Variants in GRB14 observed in about 807,000 individuals in gnomAD.
The protein encoded by GRB14 is growth factor receptor bound protein 14, also known as growth factor receptor-bound protein 14.
A neutral mutation model predicts 69.1 loss-of-function variants in GRB14; 38 were observed. The ratio of observed to expected loss-of-function variants is 0.55; its 90% CI spans 0.42 to 0.72. GRB14 has a LOEUF of 0.72. Ranked by LOEUF, GRB14 falls within the 30% of genes least tolerant of loss-of-function variation. The probability of loss-of-function intolerance (pLI) is 0.00; values close to 1 mark genes in which losing one functional copy is unlikely to be tolerated. For synonymous variants in GRB14, 247 were observed against 241.3 expected (o/e 1.02, Z -0.22); for missense variants, 666 against 666.1 (o/e 1.00, Z 0.00).
At chr2:164,571,080 G>A (rs1689112626) in intron 2 of GRB14, among the ~76,000 whole-genome samples, 1 of 152,200 alleles carries the variant, frequency 6.6e-6, no homozygotes, top group Admixed American at 6.5e-5. Flanking sequence ...ACTTAAGACA[G>A]GTGGAATCTC....
chr2:164,619,559 G>A (rs1690393516), intron 2 of GRB14, 128 bp downstream of exon 2: 2 of 625,026 alleles, frequency 3.2e-6, no homozygotes, highest in Non-Finnish European at 2.7e-6. Flanking sequence ...GACCATGTCA[G>A]TCAACAGAGT....
intron 9 of GRB14, among the ~76,000 whole-genome samples, chr2:164,499,628 T>C (rs1686998447): frequency 6.6e-6 from 1 of 152,174 alleles, no homozygotes; most frequent in Non-Finnish European, 1.5e-5. Context: ...GGGTCCATGA[T>C]TTTAATGGCA....
chr2:164,562,070 T>A (rs767831065), intron 2 of GRB14, among the ~76,000 whole-genome samples: 1 of 152,228 alleles, frequency 6.6e-6, no homozygotes, highest in Non-Finnish European at 1.5e-5. Flanking sequence ...TTTATCCAAC[T>A]AATTGGTAAT....
At chr2:164,614,968 T>C (rs1172885970) in intron 2 of GRB14, among the ~76,000 whole-genome samples, 1 of 152,182 alleles carries the variant, frequency 6.6e-6, no homozygotes. Context: ...GGAAAACTAA[T>C]TTTTTAATTA....
chr2:164,507,032 G>A (rs1231360848), intron 8 of GRB14, among the ~76,000 whole-genome samples: 2 of 152,108 alleles, frequency 1.3e-5, no homozygotes, highest in Non-Finnish European at 2.9e-5. Flanking sequence ...GGAACTGAAT[G>A]CACTAAACGC....
At chr2:164,552,801 T>C (rs754615384) in intron 2 of GRB14, among the ~76,000 whole-genome samples, 24 of 152,156 alleles carry the variant, frequency 1.6e-4, no homozygotes, top group Non-Finnish European at 2.9e-4. Context: ...TGTGCATCTA[T>C]ACTAGAAAAC....
At chr2:164,513,081 G>GCCC (rs1687381199) in intron 6 of GRB14, among the ~76,000 whole-genome samples, 1 of 151,658 alleles carries the variant, frequency 6.6e-6, no homozygotes, top group African/African-American at 2.4e-5. Context: ...TAATCTTGTG[G>GCCC]CCCCTCTCTC....
At chr2:164,612,344 A>G (rs752985492) in intron 2 of GRB14, among the ~76,000 whole-genome samples, 31 of 152,192 alleles carry the variant, frequency 2.0e-4, no homozygotes, top group Non-Finnish European at 3.8e-4. Flanking sequence ...TAAACCTCCT[A>G]TTTGTGTTTA....
At chr2:164,505,523 GAAA>G (rs1334779983) in intron 8 of GRB14, among the ~76,000 whole-genome samples, 5 of 152,114 alleles carry the variant, frequency 3.3e-5, no homozygotes, top group African/African-American at 1.2e-4. Flanking sequence ...ATATCCTGTG[GAAA>G]ATACAGGTAT....
intron 3 of GRB14, among the ~76,000 whole-genome samples, chr2:164,544,774 T>C (rs1001242930): frequency 1.2e-4 from 18 of 152,174 alleles, no homozygotes; most frequent in Non-Finnish European, 2.6e-4. Context: ...GGAACAATTC[T>C]AGCTTCCTCT....
intron 9 of GRB14, among the ~76,000 whole-genome samples, chr2:164,501,558 A>G (rs1687052459): frequency 6.6e-6 from 1 of 152,138 alleles, no homozygotes; most frequent in Non-Finnish European, 1.5e-5. Context: ...CAAAATTAAA[A>G]TTAGATCCTA....
At chr2:164,522,603 C>T (rs757365088) in intron 5 of GRB14, among the ~76,000 whole-genome samples, 23 of 152,154 alleles carry the variant, frequency 1.5e-4, no homozygotes, top group Non-Finnish European at 2.5e-4. Context: ...AGTAAGACCA[C>T]AATCCTGACT....
intron 3 of GRB14, among the ~76,000 whole-genome samples, chr2:164,531,596 C>T (rs559077452): frequency 6.6e-6 from 1 of 152,260 alleles, no homozygotes; most frequent in African/African-American, 2.4e-5. Context: ...AGAAGCATGC[C>T]TAGTCAATCC....
At chr2:164,578,260 AT>A (rs1430149175) in intron 2 of GRB14, among the ~76,000 whole-genome samples, 7 of 152,250 alleles carry the variant, frequency 4.6e-5, no homozygotes, top group Admixed American at 4.6e-4. Flanking sequence ...GAATGCTTTA[AT>A]AATCTTGTAA....
chr2:164,584,848 T>C (rs1194685512), intron 2 of GRB14, among the ~76,000 whole-genome samples: 1 of 152,180 alleles, frequency 6.6e-6, no homozygotes, highest in Non-Finnish European at 1.5e-5. Context: ...CAAGGAATTC[T>C]CCAATTTAAA....
At chr2:164,563,651 G>T (rs1199758746) in intron 2 of GRB14, among the ~76,000 whole-genome samples, 1 of 152,216 alleles carries the variant, frequency 6.6e-6, no homozygotes, top group Non-Finnish European at 1.5e-5. Context: ...GAGTTCAGTT[G>T]CCTGAGGACA....
intron 3 of GRB14, among the ~76,000 whole-genome samples, chr2:164,542,141 G>T (rs1688257035): frequency 6.6e-6 from 1 of 152,182 alleles, no homozygotes; most frequent in South Asian, 2.1e-4. Flanking sequence ...ACAGCCATCT[G>T]AGCTTTGACA....
chr2:164,523,000 A>C (rs1687673402), intron 5 of GRB14, among the ~76,000 whole-genome samples: 1 of 152,084 alleles, frequency 6.6e-6, no homozygotes, highest in Admixed American at 6.6e-5. Context: ...TCACAGGTAA[A>C]AAGTCCAATG....
intron 2 of GRB14, among the ~76,000 whole-genome samples, chr2:164,563,151 G>A (rs535912063): frequency 1.3e-5 from 2 of 152,200 alleles, no homozygotes; most frequent in East Asian, 3.9e-4. Context: ...TTCTGCACAG[G>A]AAATCTGCTC....
Sources: gnomAD v4.1 joint callset for allele counts (sites outside exome capture counted in the v4.1 genomes callset) on GRCh38, gnomAD v4.1.1 for gene constraint, MANE v1.5 for transcripts, NCBI Gene and HGNC (gene_info 2026-07-23, HGNC 2026-07-21) for gene names.